KLHL32: variants seen among roughly 807,000 people sequenced by gnomAD.
KLHL32 encodes the protein kelch like family member 32, also known as kelch-like protein 32.
Under a neutral mutation model 64.8 loss-of-function variants are expected in KLHL32, and 35 were observed. The ratio of observed to expected loss-of-function variants is 0.54; its 90% CI spans 0.41 to 0.72. The LOEUF is 0.72. KLHL32 is among the 30% of genes least tolerant of loss of function. The pLI is 0.00. For missense variants in KLHL32, 589 were observed against 768.5 expected (o/e 0.77, Z 2.76); for synonymous variants, 259 against 281.0 (o/e 0.92, Z 0.78).
At chr6:97,095,347 G>A (rs1420996545) in intron 6 of KLHL32, among the ~76,000 whole-genome samples, 1 of 152,172 alleles carries the variant, frequency 6.6e-6, no homozygotes, top group African/African-American at 2.4e-5. Context: ...GTAAACAAAG[G>A]GGTTGATTTA....
chr6:97,011,787 A>T (rs1453726528), intron 3 of KLHL32, among the ~76,000 whole-genome samples: 1 of 152,230 alleles, frequency 6.6e-6, no homozygotes, highest in Admixed American at 6.5e-5. Flanking sequence ...GAAAATGAAT[A>T]CACTTCTTAC....
the KLHL32 span, among the ~76,000 whole-genome samples, chr6:96,904,202 C>T: frequency 5.3e-5 from 8 of 151,874 alleles, no homozygotes; most frequent in South Asian, 2.1e-4. Context: ...ATTTTCCAGG[C>T]ATGATGGTGC....
intron 3 of KLHL32, among the ~76,000 whole-genome samples, chr6:97,027,891 G>A (rs1782965179): frequency 1.3e-5 from 2 of 152,148 alleles, no homozygotes; most frequent in Non-Finnish European, 2.9e-5. Flanking sequence ...AGCTGTTACT[G>A]TATATATTTG....
chr6:96,932,644 G>C (rs1300241795), intron 1 of KLHL32, among the ~76,000 whole-genome samples: 6 of 138,958 alleles, frequency 4.3e-5, no homozygotes, highest in Non-Finnish European at 9.1e-5. Flanking sequence ...TCAGCTCATT[G>C]CAGACTTAAT....
intron 3 of KLHL32, among the ~76,000 whole-genome samples, chr6:96,982,759 A>G (rs1776472305): frequency 6.6e-6 from 1 of 152,226 alleles, no homozygotes; most frequent in Non-Finnish European, 1.5e-5. Flanking sequence ...GAAGTTGCTT[A>G]TCAGCTTAAG....
intron 5 of KLHL32, among the ~76,000 whole-genome samples, chr6:97,067,735 T>C (rs1790029799): frequency 6.6e-6 from 1 of 152,160 alleles, no homozygotes; most frequent in Non-Finnish European, 1.5e-5. Flanking sequence ...CTTGAAAACT[T>C]TCATTAGCTA....
intron 5 of KLHL32, among the ~76,000 whole-genome samples, chr6:97,083,291 G>A (rs1269706234): frequency 2.0e-5 from 3 of 152,142 alleles, no homozygotes; most frequent in Admixed American, 2.0e-4. Flanking sequence ...TCGGGAGGCT[G>A]AGGCAGGAGA....
intron 10 of KLHL32, among the ~76,000 whole-genome samples, chr6:97,135,497 G>C (rs1050222287): frequency 6.6e-6 from 1 of 151,750 alleles, no homozygotes; most frequent in South Asian, 2.1e-4. Flanking sequence ...TAGTAGACAC[G>C]GGGTTTCACC....
intron 1 of KLHL32, among the ~76,000 whole-genome samples, chr6:96,942,654 G>GGGGTGTGTGT (rs1554202843): frequency 7.6e-4 from 109 of 144,322 alleles, no homozygotes; most frequent in African/African-American, 2.7e-3. Context: ...ACAGCTGTGG[G>GGGGTGTGTGT]GTGTGTGTGT....
rs200860900 is a variant in KLHL32 at position 97,114,515 on chromosome 6, A to G, written c.1354+6A>G. ...TGGTCTTCTTTGGATATCAGGTAGA[A>G]CATACCTCATGTTGGATTTATCAAA... On this transcript the variant is annotated splice_donor_region_variant and intron_variant, in intron 7 of 10. Transcript: ENST00000369261. 18 of 1,613,018 alleles carry G rather than the reference A, an allele frequency of 1.1e-5. No homozygotes were observed. The African/African-American group carries it at 2.3e-4, about 20-fold the overall frequency.
Position 96,962,673 on chromosome 6 carries a change from A to G in KLHL32, c.-65-4323A>G, listed in dbSNP as rs531107944. 3.3e-5 allele frequency among the ~76,000 whole-genome samples: 5 copies of G among 152,282 alleles called. No individual in the cohort carries two copies. The East Asian group carries it at 9.6e-4, about 29-fold the overall frequency. On this transcript the variant is annotated intron_variant, in intron 1 of 10. Transcript: ENST00000369261. ...TGTATTCTATAATAAAAGAAGACAC[A>G]CAATGATGTTTACTGAGACCCTGTG...
At chr6:96,958,746 C>G (rs1773553597) in intron 1 of KLHL32, among the ~76,000 whole-genome samples, 1 of 130,900 alleles carries the variant, frequency 7.6e-6, no homozygotes, top group Non-Finnish European at 1.7e-5. Flanking sequence ...TTTCCCCACC[C>G]ATTGGAAAGA....
chr6:97,035,493 C>T (rs1037572615), intron 3 of KLHL32, among the ~76,000 whole-genome samples: 2 of 152,032 alleles, frequency 1.3e-5, no homozygotes, highest in African/African-American at 4.8e-5. Flanking sequence ...TGAAGAACCC[C>T]CTTAGCCATT....
chr6:97,050,519 T>A (rs1159359754), intron 4 of KLHL32, among the ~76,000 whole-genome samples: 1 of 152,136 alleles, frequency 6.6e-6, no homozygotes, highest in African/African-American at 2.4e-5. Flanking sequence ...TCAGGCTTTT[T>A]TAAACCTTTG....
chr6:96,927,813 A>C (rs1769346764), intron 1 of KLHL32, among the ~76,000 whole-genome samples: 1 of 152,214 alleles, frequency 6.6e-6, no homozygotes. Flanking sequence ...GGCTGAGTGC[A>C]TGGAGATACC....
At chr6:96,926,240 A>G (rs562042520) in intron 1 of KLHL32, among the ~76,000 whole-genome samples, 2 of 152,352 alleles carry the variant, frequency 1.3e-5, no homozygotes, top group South Asian at 4.1e-4. Context: ...ACTTCTTGTT[A>G]AATGACCCAA....
chr6:97,139,004 A>AAGAT, intron 10 of KLHL32, 117 bp from the exon 11 acceptor site: 1 of 906,788 alleles, frequency 1.1e-6, no homozygotes, highest in Admixed American at 2.7e-5. Context: ...AAGAATTCCT[A>AAGAT]AGATATGGTG....
At chr6:96,937,916 A>G (rs1770809918) in intron 1 of KLHL32, among the ~76,000 whole-genome samples, 1 of 152,160 alleles carries the variant, frequency 6.6e-6, no homozygotes, top group Admixed American at 6.5e-5. Context: ...TGGTCTCAAA[A>G]AGCATTTCTC....
rs189328714 is a variant in KLHL32, at chr6:97,090,007, T to A, written c.627+4666T>A. Among the ~76,000 whole-genome samples, 4 of 152,240 alleles carry A rather than the reference T, an allele frequency of 2.6e-5. No homozygotes were observed. In the East Asian group the frequency reaches 7.7e-4, roughly 29 times the overall value. On this transcript the variant is annotated intron_variant, in intron 6 of 10. Transcript: ENST00000369261. Reference sequence around the variant, plus strand: ...AGTAATTGCATAAACCCAAGTTATGTCCTATTTTAGTGTGGCAAAGAGGGA... The same window carrying A: ...AGTAATTGCATAAACCCAAGTTATGACCTATTTTAGTGTGGCAAAGAGGGA...
Sources: allele counts gnomAD v4.1 joint callset (sites outside exome capture counted in the v4.1 genomes callset), GRCh38; gene constraint gnomAD v4.1.1; transcripts MANE v1.5; gene names NCBI Gene and HGNC (gene_info 2026-07-23, HGNC 2026-07-21).